Variants in ADGRV1 observed in about 807,000 individuals in gnomAD.
ADGRV1 encodes G-protein coupled receptor 98.
In ADGRV1, 359 loss-of-function variants were observed where a neutral mutation model predicts 596.2. The ratio of observed to expected loss-of-function variants is 0.60; its 90% confidence interval spans 0.55 to 0.66. ADGRV1 has a LOEUF of 0.66. Among genes scored for constraint, ADGRV1 ranks in the 30% least tolerant of loss-of-function variants. ADGRV1 has a pLI of 0.00. For missense variants in ADGRV1, 7,274 were observed against 7,575.6 expected (o/e 0.96, Z 1.48); for synonymous variants, 2,681 against 2,679.2 (o/e 1.00, Z -0.02).
At chr5:90,596,832 C>CGAGGGAGAGGGAGAGCGA (rs1043849755) in intron 1 of ADGRV1, among the ~76,000 whole-genome samples, 12 of 148,812 alleles carry the variant, frequency 8.1e-5, no homozygotes, top group East Asian at 5.9e-4. Context: ...AGGGAGAGGG[C>CGAGGGAGAGGGAGAGCGA]GAGGGAGAGG....
At chr5:90,719,356 A>AATAAATAG (rs1469429399) in intron 43 of ADGRV1, among the ~76,000 whole-genome samples, 6 of 128,236 alleles carry the variant, frequency 4.7e-5, no homozygotes, top group African/African-American at 2.2e-4. Flanking sequence ...TAAATAAATA[A>AATAAATAG]ATAAATAAAT....
intron 85 of ADGRV1, among the ~76,000 whole-genome samples, chr5:91,045,361 C>T (rs974388468): frequency 4.6e-5 from 7 of 152,132 alleles, no homozygotes; most frequent in Admixed American, 1.3e-4. Flanking sequence ...GGTTTCATAC[C>T]AGGCATGCAG....
At chr5:90,853,957 A>G (rs1413634617) in intron 80 of ADGRV1, 105 bp from the exon 81 acceptor site, 4 of 802,624 alleles carry the variant, frequency 5.0e-6, no homozygotes, top group Non-Finnish European at 8.0e-6. Context: ...GAAAGAAAAC[A>G]AATGACTGTA....
intron 85 of ADGRV1, among the ~76,000 whole-genome samples, chr5:90,987,299 A>G (rs1483902032): frequency 6.6e-6 from 1 of 151,954 alleles, no homozygotes; most frequent in Non-Finnish European, 1.5e-5. Flanking sequence ...GTGAAACCCC[A>G]TCTCTAGTAA....
intron 83 of ADGRV1, among the ~76,000 whole-genome samples, chr5:90,941,762 A>G (rs780899348): frequency 2.6e-5 from 4 of 152,216 alleles, no homozygotes; most frequent in Non-Finnish European, 5.9e-5. Flanking sequence ...TTAGGCGTGT[A>G]TGTTGATGTT....
chr5:90,630,954 G>A (rs1765418998), intron 9 of ADGRV1, among the ~76,000 whole-genome samples: 2 of 152,096 alleles, frequency 1.3e-5, no homozygotes, highest in South Asian at 4.2e-4. Flanking sequence ...GATCTGTTGC[G>A]TTTCTCTTTT....
At chr5:91,079,693 G>A (rs899687064) in intron 86 of ADGRV1, among the ~76,000 whole-genome samples, 1 of 152,182 alleles carries the variant, frequency 6.6e-6, no homozygotes, top group African/African-American at 2.4e-5. Flanking sequence ...GGCAGACCGG[G>A]CCTTTCTAGA....
chr5:90,765,359 T>A (rs1425558149), intron 59 of ADGRV1, among the ~76,000 whole-genome samples: 1 of 152,046 alleles, frequency 6.6e-6, no homozygotes, highest in Non-Finnish European at 1.5e-5. Flanking sequence ...TGTAAATTCA[T>A]GTGATAATAT....
chr5:90,803,599 A>G lies in ADGRV1; in HGVS notation c.14661+717A>G, dbSNP rs1375385558. Among the ~76,000 whole-genome samples the G allele has an allele frequency of 1.3e-5, 2 of 152,166 alleles. No individual in the cohort carries two copies. Among genetic ancestry groups the G allele is most frequent in the African/African-American group, 2.4e-5 (1 of 41,444 alleles). ...GATGAATGGGCAGGAATATGGGCAG[A>G]TATAGTCTCTGGCCACTAAGGGATG... On this transcript the variant is annotated intron_variant, in intron 71 of 89. Transcript: ENST00000405460.
intron 42 of ADGRV1, among the ~76,000 whole-genome samples, chr5:90,715,551 C>A (rs1749975860): frequency 6.6e-6 from 1 of 152,018 alleles, no homozygotes; most frequent in African/African-American, 2.4e-5. Flanking sequence ...GTGTCTGCCA[C>A]AGTTATACAT....
chr5:90,977,900 C>T (rs1779749466), intron 84 of ADGRV1, among the ~76,000 whole-genome samples: 1 of 152,284 alleles, frequency 6.6e-6, no homozygotes, highest in African/African-American at 2.4e-5. Context: ...TCCCATCCTC[C>T]GTTTCCTCCG....
chr5:90,778,807 A>G, intron 63 of ADGRV1, 58 bp from the exon 64 acceptor site: 2 of 1,381,918 alleles, frequency 1.4e-6, no homozygotes, highest in East Asian at 4.6e-5. Flanking sequence ...TTAGTTACAG[A>G]CAGTATTGTC....
At position 90,779,042 on chromosome 5, in the gene ADGRV1, C is replaced by A; in HGVS notation, c.13027C>A (p.Pro4343Thr). ...LHVEILDDDY[P>T]EGPEEFSLTI... ...TGTTGAAATCCTTGATGATGACTAT[C>A]CTGAAGGCCCAGAGGAATTTTCTCT... The change falls in exon 64 of 90, where the codon CCT becomes ACT. Residue 4343 changes from proline (P) to threonine (T), a missense_variant. This residue lies in a region of ADGRV1 where 3,643 missense variants were observed against 3,809.2 expected (regional missense o/e 0.96). Coordinates refer to ENST00000405460, the MANE Select transcript of ADGRV1 (RefSeq NM_032119.4). The A allele has an allele frequency of 6.2e-7, 1 of 1,613,174 alleles. No individual in the cohort carries two copies. Among genetic ancestry groups the A allele is most frequent in the Non-Finnish European group, 8.5e-7 (1 of 1,179,366 alleles).
At chr5:90,817,535 T>TTATG (rs1474238360) in intron 75 of ADGRV1, among the ~76,000 whole-genome samples, 1 of 151,786 alleles carries the variant, frequency 6.6e-6, no homozygotes, top group Non-Finnish European at 1.5e-5. Context: ...TCTAGGGTTT[T>TTATG]TATGGTTTTA....
intron 85 of ADGRV1, among the ~76,000 whole-genome samples, chr5:91,023,767 G>A (rs967952262): frequency 2.0e-5 from 3 of 152,060 alleles, no homozygotes; most frequent in Non-Finnish European, 2.9e-5. Context: ...TCGAAAATTC[G>A]AGTGGCTATA....
chr5:90,749,919 G>A (rs1482142158), intron 52 of ADGRV1, among the ~76,000 whole-genome samples: 2 of 152,176 alleles, frequency 1.3e-5, no homozygotes, highest in Non-Finnish European at 2.9e-5. Context: ...GGAAAAAACA[G>A]TTGTAAAGGC....
chr5:90,943,143 T>C (rs1423186906), intron 83 of ADGRV1, among the ~76,000 whole-genome samples: 1 of 150,350 alleles, frequency 6.7e-6, no homozygotes, highest in Non-Finnish European at 1.5e-5. Context: ...TAAAAGTATT[T>C]TTTGTCCACA....
intron 65 of ADGRV1, among the ~76,000 whole-genome samples, chr5:90,782,438 A>G (rs974270633): frequency 2.6e-5 from 4 of 152,044 alleles, no homozygotes; most frequent in African/African-American, 9.7e-5. Flanking sequence ...ATCTTTGGGA[A>G]TTTTGGTCAG....
chr5:90,920,074 T>A (rs1016760842), intron 83 of ADGRV1, among the ~76,000 whole-genome samples: 1 of 151,842 alleles, frequency 6.6e-6, no homozygotes, highest in Non-Finnish European at 1.5e-5. Context: ...CAGGCTGCTA[T>A]AACAAATTAC....
Sources: gnomAD v4.1 joint callset for allele counts (sites outside exome capture counted in the v4.1 genomes callset) on GRCh38, gnomAD v4.1.1 for gene constraint, gnomAD v4.1.1 regional missense constraint, MANE v1.5 for transcripts, NCBI Gene and HGNC (gene_info 2026-07-23, HGNC 2026-07-21) for gene names.